The following RBMS2 variants were observed in gnomAD, a reference collection of about 807,000 sequenced individuals.
RBMS2 encodes the protein RNA binding motif single stranded interacting protein 2, also known as RNA-binding motif, single-stranded-interacting protein 2.
Under a neutral mutation model 58.4 loss-of-function variants are expected in RBMS2, and 38 were observed. The observed-to-expected ratio is 0.65, with a 90% confidence interval of 0.50 to 0.85. RBMS2 has a LOEUF of 0.85. Ranked by LOEUF, RBMS2 falls within the 40% of genes least tolerant of loss-of-function variation. The pLI, the probability that RBMS2 is intolerant of heterozygous loss-of-function variation, is 0.00. For synonymous variants in RBMS2, 151 were observed against 180.7 expected (o/e 0.84, Z 1.32); for missense variants, 367 against 503.7 (o/e 0.73, Z 2.60).
rs562179078 is a variant in RBMS2 at position 56,539,158 on chromosome 12, C to A, written c.66+17069C>A. On this transcript the variant is annotated intron_variant, in intron 1 of 13. Transcript: ENST00000262031. ...AGCCACGCAAGTAGCTGGGATTACA[C>A]GTGCACACCACCACGCCCAGCTAAC... Among the ~76,000 whole-genome samples the A allele has an allele frequency of 2.6e-5, 4 of 151,940 alleles. No individual in the cohort carries two copies. The South Asian group carries it at 6.3e-4, about 24-fold the overall frequency.
At position 56,591,257 on chromosome 12, in the gene RBMS2, GA is replaced by G; in HGVS notation, c.*2128del. Reference sequence around the variant, plus strand: ...GGAGAGGAAGGGGGTGACAGCAGGGGAAAAGAAACTGTAGTATCAGTTGTCA... The same window carrying G: ...GGAGAGGAAGGGGGTGACAGCAGGGGAAAGAAACTGTAGTATCAGTTGTCA... On this transcript the variant is annotated 3_prime_UTR_variant, in exon 14 of 14. Coordinates refer to ENST00000262031, the MANE Select transcript of RBMS2 (RefSeq NM_002898.4). The G allele has an allele frequency of 6.6e-6, 1 of 152,278 alleles. No individual in the cohort carries two copies. The highest frequency in any genetic ancestry group is 1.5e-5 in the Non-Finnish European group (1 of 68,058). The allele number at this position is 152,278 out of a possible 1,614,324, so 9.4% of individuals were successfully genotyped here.
At chr12:56,524,115 G>A (rs1264410141) in intron 1 of RBMS2, among the ~76,000 whole-genome samples, 1 of 152,134 alleles carries the variant, frequency 6.6e-6, no homozygotes, top group Non-Finnish European at 1.5e-5. Context: ...TTGGAGTATA[G>A]GAAAAAGTTA....
At chr12:56,567,797 C>T (rs1881617405) in intron 2 of RBMS2, among the ~76,000 whole-genome samples, 1 of 152,070 alleles carries the variant, frequency 6.6e-6, no homozygotes, top group African/African-American at 2.4e-5. Context: ...CACCACTGCA[C>T]TCCAGCCTGG....
At chr12:56,528,793 G>A (rs566229304) in intron 1 of RBMS2, among the ~76,000 whole-genome samples, 1 of 152,164 alleles carries the variant, frequency 6.6e-6, no homozygotes, top group Admixed American at 6.5e-5. Context: ...TGGGTGTGGT[G>A]GCATACACCT....
chr12:56,581,509 G>T lies in RBMS2; in HGVS notation c.732+1G>T, dbSNP rs749758030. 6.2e-7 allele frequency: 1 copy of T among 1,611,660 alleles called. No individual in the cohort carries two copies. Among genetic ancestry groups the T allele is most frequent in the East Asian group, 2.2e-5 (1 of 44,880 alleles). ...GGCTTGGCCAAGGAATGCAGACATGGTAAGAGGACCTCTGAGGAGACAGGA... is the reference window on the plus strand; with the variant it reads ...GGCTTGGCCAAGGAATGCAGACATGTTAAGAGGACCTCTGAGGAGACAGGA... On this transcript the variant is annotated splice_donor_variant, in intron 7 of 13. Transcript: ENST00000262031. LOFTEE classifies it high-confidence loss of function.
At chr12:56,560,961 T>G (rs564560856) in intron 1 of RBMS2, among the ~76,000 whole-genome samples, 2 of 152,254 alleles carry the variant, frequency 1.3e-5, no homozygotes, top group African/African-American at 2.4e-5. Context: ...TTCCCCTTAA[T>G]GTAAATATGT....
intron 1 of RBMS2, among the ~76,000 whole-genome samples, chr12:56,525,665 T>C (rs1428774352): frequency 6.6e-6 from 1 of 151,436 alleles, no homozygotes; most frequent in Non-Finnish European, 1.5e-5. Context: ...TATAACTTTT[T>C]TGTTGTTTGT....
chr12:56,566,425 G>A (rs368023820), intron 2 of RBMS2, among the ~76,000 whole-genome samples: 3 of 152,078 alleles, frequency 2.0e-5, no homozygotes, highest in African/African-American at 7.2e-5. Flanking sequence ...CTAGTGGAAC[G>A]CTTCTAATAT....
At chr12:56,527,704 A>G (rs1872913829) in intron 1 of RBMS2, among the ~76,000 whole-genome samples, 1 of 151,856 alleles carries the variant, frequency 6.6e-6, no homozygotes, top group Non-Finnish European at 1.5e-5. Context: ...TCTCTAGCCC[A>G]ACACCTACTA....
At chr12:56,549,710 T>A (rs1014511083) in intron 1 of RBMS2, among the ~76,000 whole-genome samples, 1 of 152,122 alleles carries the variant, frequency 6.6e-6, no homozygotes. Context: ...GCCATCAGTC[T>A]TATGTCAGGC....
At chr12:56,586,333 A>G (rs1439780800) in intron 9 of RBMS2, among the ~76,000 whole-genome samples, 1 of 149,360 alleles carries the variant, frequency 6.7e-6, no homozygotes, top group Non-Finnish European at 1.5e-5. Flanking sequence ...TCCTGTCTCA[A>G]AAAAAAAAAG....
In RBMS2 at chr12:56,527,286, GT is replaced by G. The variant is rs982067215; in HGVS notation, c.66+5199del. On this transcript the variant is annotated intron_variant, in intron 1 of 13. Transcript: ENST00000262031. ...ATCTCTTGACTGGGGCAGCTGTTCT[GT>G]TATCAGTAATAAGTTAACTCAAATG... Among the ~76,000 whole-genome samples the G allele has an allele frequency of 2.9e-4, 44 of 152,302 alleles. 1 individual carries two copies. Among genetic ancestry groups the G allele is most frequent in the African/African-American group, 1.1e-3 (44 of 41,562 alleles).
chr12:56,521,793 T>TCA (rs1871754350), upstream of RBMS2: 5 of 535,922 alleles, frequency 9.3e-6, no homozygotes, highest in Non-Finnish European at 1.3e-5. Context: ...CAGACTCTGT[T>TCA]AACTTCTCTC....
At chr12:56,546,488 CA>C (rs35506034) in intron 1 of RBMS2, among the ~76,000 whole-genome samples, 77,298 of 147,510 alleles carry the variant, frequency 0.52, 22,946 homozygotes, top group East Asian at 0.72. Flanking sequence ...ATTTTATATA[CA>C]AAAAATATAA....
chr12:56,576,128 A>C (rs966657858), intron 5 of RBMS2, among the ~76,000 whole-genome samples: 4 of 152,084 alleles, frequency 2.6e-5, no homozygotes, highest in Non-Finnish European at 5.9e-5. Context: ...ACTTGAGATC[A>C]GGAGGTCAAG....
Position 56,582,118 on chromosome 12 carries a change from C to T in RBMS2, c.839C>T (p.Ser280Phe), listed in dbSNP as rs1029843608. The T allele has an allele frequency of 6.2e-7, 1 of 1,612,812 alleles. No homozygotes were observed. Among genetic ancestry groups the T allele is most frequent in the Admixed American group, 1.7e-5 (1 of 59,984 alleles). Residue 280 changes from serine to phenylalanine, a missense_variant, in exon 9 of 14, where the codon TCC becomes TTC. Physicochemically the swap from Ser to Phe is radical, Grantham distance 155. Transcript: ENST00000262031. Reference protein sequence around the residue: ...PNRMLAQSALSPYLSSPVSSY... With the variant: ...PNRMLAQSALFPYLSSPVSSY... ...AGGATGCTTGCTCAGTCTGCACTCT[C>T]CCCATACCTTTCCTCTCCTGTGTCT...
At chr12:56,538,419 A>T (rs1406527968) in intron 1 of RBMS2, among the ~76,000 whole-genome samples, 2 of 143,522 alleles carry the variant, frequency 1.4e-5, no homozygotes, top group Non-Finnish European at 3.0e-5. Flanking sequence ...TGGGATTTTG[A>T]TATGGATTAC....
chr12:56,583,338 A>G (rs551831197), intron 9 of RBMS2, among the ~76,000 whole-genome samples: 1 of 152,316 alleles, frequency 6.6e-6, no homozygotes, highest in South Asian at 2.1e-4. Flanking sequence ...TTCCAGGCAT[A>G]GGTGCTACTG....
chr12:56,572,659 T>A (rs554338720), intron 5 of RBMS2: 4 of 360,942 alleles, frequency 1.1e-5, no homozygotes, highest in Non-Finnish European at 1.5e-5. Context: ...ATCTTACAGA[T>A]GAGGAAAGTG....
Sources: allele counts gnomAD v4.1 joint callset (sites outside exome capture counted in the v4.1 genomes callset), GRCh38; gene constraint gnomAD v4.1.1; transcripts MANE v1.5; gene names NCBI Gene and HGNC (gene_info 2026-07-23, HGNC 2026-07-21).